The following VPS53 variants were observed in gnomAD, a reference collection of about 807,000 sequenced individuals.
VPS53 encodes the protein vacuolar protein sorting-associated protein 53 homolog.
Under a neutral mutation model 107.0 loss-of-function variants are expected in VPS53, and 70 were observed. The ratio of observed to expected loss-of-function variants is 0.65; its 90% CI spans 0.54 to 0.80. The LOEUF is 0.80. Ranked by LOEUF, VPS53 falls within the 30% of genes least tolerant of loss-of-function variation. The pLI, the probability that VPS53 is intolerant of heterozygous loss-of-function variation, is 0.00. For synonymous variants in VPS53, 409 were observed against 393.3 expected (o/e 1.04, Z -0.47); for missense variants, 917 against 1,049.4 (o/e 0.87, Z 1.74).
At chr17:669,734 A>ACCCATCTCTAC (rs1971859789) in intron 4 of VPS53, among the ~76,000 whole-genome samples, 1 of 150,786 alleles carries the variant, frequency 6.6e-6, no homozygotes, top group Non-Finnish European at 1.5e-5. Flanking sequence ...TCTACTAAAA[A>ACCCATCTCTAC]TACAAAAATT....
chr17:672,175 A>ATCTCTC (rs10539620), intron 4 of VPS53, among the ~76,000 whole-genome samples: 1,622 of 107,108 alleles, frequency 0.015, 52 homozygotes, highest in South Asian at 0.044. Context: ...CACAATCTCA[A>ATCTCTC]TCTCTCTCTC....
At chr17:657,246 G>C in intron 5 of VPS53, 4 of 1,079,472 alleles carry the variant, frequency 3.7e-6, no homozygotes, top group Non-Finnish European at 5.6e-6. Flanking sequence ...CAGGTGTACA[G>C]CAAAGCAACC....
intron 13 of VPS53, among the ~76,000 whole-genome samples, chr17:574,862 A>C (rs2151870636): frequency 6.6e-6 from 1 of 152,346 alleles, no homozygotes; most frequent in Middle Eastern, 3.4e-3. Context: ...GGCTGAAAAG[A>C]GTCATCCAGG....
At chr17:589,494 C>CG (rs1343983105) in intron 12 of VPS53, among the ~76,000 whole-genome samples, 11 of 151,260 alleles carry the variant, frequency 7.3e-5, no homozygotes, top group Non-Finnish European at 1.5e-4. Flanking sequence ...TTCTAAAGGT[C>CG]GGGGGGGAGT....
rs1555561885 is a variant in VPS53 at position 597,962 on chromosome 17, C to CCACGG, written c.1218+3832_1218+3833insCCGTG. Among the ~76,000 whole-genome samples, 345 of 141,396 alleles carry CCACGG rather than the reference C, an allele frequency of 2.4e-3. 1 individual carries two copies. The highest frequency in any genetic ancestry group is 8.1e-3 in the African/African-American group (308 of 37,990). 92.8% of individuals were successfully genotyped at this position (141,396 alleles called of 152,430 possible). ...AAATGACTTGCAGCTCTCCCTCTCCCTCTCCCTCTCCCCACGGTCTCCCTC... is the reference window on the plus strand; with the variant it reads ...AAATGACTTGCAGCTCTCCCTCTCCCCACGGTCTCCCTCTCCCCACGGTCTCCCTC... On this transcript the variant is annotated intron_variant, in intron 12 of 21. Coordinates refer to ENST00000437048, the MANE Select transcript of VPS53 (RefSeq NM_001128159.3).
chr17:660,158 T>C (rs1311085209), intron 5 of VPS53, among the ~76,000 whole-genome samples: 1 of 152,232 alleles, frequency 6.6e-6, no homozygotes, highest in African/African-American at 2.4e-5. Flanking sequence ...GATCTAGGGC[T>C]GAACCCCAGC....
At chr17:620,728 G>A (rs538470190) in intron 11 of VPS53, among the ~76,000 whole-genome samples, 37 of 149,182 alleles carry the variant, frequency 2.5e-4, no homozygotes, top group African/African-American at 8.7e-4. Flanking sequence ...CCAGGCTGGA[G>A]TGCAGTGGCG....
rs947103325 is a variant in VPS53 at position 553,633 on chromosome 17, C to T, written c.1705-171G>A. On this transcript the variant is annotated intron_variant, in intron 15 of 21. Coordinates refer to ENST00000437048, the MANE Select transcript of VPS53 (RefSeq NM_001128159.3). ...TTGCCTAGGCTGGAGTGCAGTGGTG[C>T]GACCTCGGCTCACTGCATCCTCTGC... is the stretch of plus-strand genomic sequence containing the variant. 2.8e-5 allele frequency among the ~76,000 whole-genome samples: 4 copies of T among 144,438 alleles called. No homozygotes were observed. The South Asian group carries it at 6.4e-4, about 23-fold the overall frequency. 94.8% of individuals were successfully genotyped at this position (144,438 alleles called of 152,430 possible).
intron 19 of VPS53, among the ~76,000 whole-genome samples, chr17:531,590 G>C (rs1909552341): frequency 6.6e-6 from 1 of 151,412 alleles, no homozygotes; most frequent in Non-Finnish European, 1.5e-5. Context: ...CTTCAGCCTG[G>C]ATTCAAAGAA....
At chr17:571,813 G>A (rs1206146609) in intron 13 of VPS53, among the ~76,000 whole-genome samples, 3 of 152,360 alleles carry the variant, frequency 2.0e-5, no homozygotes, top group Non-Finnish European at 2.9e-5. Flanking sequence ...CCGAGGTGCC[G>A]GGATTGCAGA....
chr17:591,909 C>T lies in VPS53; in HGVS notation c.1219-5545G>A, dbSNP rs550514976. Among the ~76,000 whole-genome samples the T allele has an allele frequency of 1.2e-3, 177 of 152,136 alleles. 1 individual carries two copies. The highest frequency in any genetic ancestry group is 3.6e-3 in the African/African-American group (148 of 41,484). ...GAGTTCTGTAGATGTCTATTAGGTC[C>T]GCTTGGTGCAGAGCTGAGTTCCATT... On this transcript the variant is annotated intron_variant, in intron 12 of 21. Coordinates refer to ENST00000437048, the MANE Select transcript of VPS53 (RefSeq NM_001128159.3).
At chr17:522,138 C>T (rs1908810651) in intron 19 of VPS53, among the ~76,000 whole-genome samples, 1 of 152,044 alleles carries the variant, frequency 6.6e-6, no homozygotes, top group Non-Finnish European at 1.5e-5. Flanking sequence ...TCTGTGGTCC[C>T]AGCTACTGAG....
chr17:558,349 C>A (rs1360776626), intron 15 of VPS53, among the ~76,000 whole-genome samples: 1 of 152,074 alleles, frequency 6.6e-6, no homozygotes, highest in Non-Finnish European at 1.5e-5. Context: ...TGCCTGTAGT[C>A]CCAGCTACTC....
chr17:711,775 C>T (rs1309561220), intron 1 of VPS53, among the ~76,000 whole-genome samples: 1 of 151,876 alleles, frequency 6.6e-6, no homozygotes, highest in East Asian at 1.9e-4. Flanking sequence ...AAACTAACAG[C>T]CCTAGACTTA....
intron 12 of VPS53, among the ~76,000 whole-genome samples, chr17:587,042 A>T (rs548999384): frequency 6.8e-6 from 1 of 147,652 alleles, no homozygotes; most frequent in Non-Finnish European, 1.5e-5. Context: ...ACGAGTTCCT[A>T]AAAAAAAAAC....
At chr17:571,250 G>C (rs1313375753) in intron 13 of VPS53, among the ~76,000 whole-genome samples, 20 of 147,948 alleles carry the variant, frequency 1.4e-4, no homozygotes, top group African/African-American at 4.8e-4. Context: ...AGGGAGGGGA[G>C]GGGTGGGGAG....
chr17:668,557 T>A (rs941031861), intron 4 of VPS53, among the ~76,000 whole-genome samples: 2 of 152,154 alleles, frequency 1.3e-5, no homozygotes, highest in Non-Finnish European at 2.9e-5. Flanking sequence ...AAAGTTTCAA[T>A]CGTGGAGTAA....
intron 13 of VPS53, among the ~76,000 whole-genome samples, chr17:566,645 G>A (rs1300449733): frequency 1.3e-5 from 2 of 152,142 alleles, no homozygotes; most frequent in Non-Finnish European, 1.5e-5. Flanking sequence ...AGATTCCCCT[G>A]GGGTCTTCTT....
At chr17:709,551 G>A (rs572401267) in intron 2 of VPS53, among the ~76,000 whole-genome samples, 39 of 152,116 alleles carry the variant, frequency 2.6e-4, no homozygotes, top group Admixed American at 1.3e-3. Context: ...TGTCACTGAC[G>A]GCATTCGCCA....
Sources: gnomAD v4.1 joint callset for allele counts (sites outside exome capture counted in the v4.1 genomes callset) on GRCh38, gnomAD v4.1.1 for gene constraint, MANE v1.5 for transcripts, NCBI Gene and HGNC (gene_info 2026-07-23, HGNC 2026-07-21) for gene names.